The following SLC9A9 variants were observed in gnomAD, a reference collection of about 807,000 sequenced individuals.
SLC9A9 encodes solute carrier family 9 member A9, also known as sodium/hydrogen exchanger 9.
Under a neutral mutation model 77.8 loss-of-function variants are expected in SLC9A9, and 62 were observed. That is an observed-to-expected ratio of 0.80 (90% CI 0.65 to 0.98). The LOEUF is 0.98. Ranked by LOEUF, SLC9A9 falls within the 50% of genes least tolerant of loss-of-function variation. The pLI is 0.00. For synonymous variants in SLC9A9, 320 were observed against 283.5 expected, an observed-to-expected ratio of 1.13 and a Z score of -1.29; for missense variants, 775 against 774.9, an observed-to-expected ratio of 1.00 and a Z score of 0.00.
chr3:143,749,043 T>C (rs931910812), intron 4 of SLC9A9, among the ~76,000 whole-genome samples: 7 of 152,202 alleles, frequency 4.6e-5, no homozygotes, highest in South Asian at 2.1e-4. Flanking sequence ...TTTTTTTTTC[T>C]AGACCTTAAT....
intron 11 of SLC9A9, among the ~76,000 whole-genome samples, chr3:143,480,786 G>A: frequency 6.6e-6 from 1 of 152,198 alleles, no homozygotes; most frequent in Middle Eastern, 3.2e-3. Flanking sequence ...ATATGCCTAG[G>A]GTAGGAAGGA....
intron 5 of SLC9A9, among the ~76,000 whole-genome samples, chr3:143,652,752 T>C (rs1206758238): frequency 6.8e-6 from 1 of 146,974 alleles, no homozygotes; most frequent in African/African-American, 2.6e-5. Context: ...CCTCGTCCAC[T>C]TGCTACCATC....
intron 5 of SLC9A9, among the ~76,000 whole-genome samples, chr3:143,672,699 G>A (rs928093562): frequency 6.6e-6 from 1 of 151,898 alleles, no homozygotes; most frequent in African/African-American, 2.4e-5. Context: ...TAACAGAGAA[G>A]GATTCAGCAA....
chr3:143,618,082 G>T (rs1380847890), intron 6 of SLC9A9, among the ~76,000 whole-genome samples: 1 of 152,206 alleles, frequency 6.6e-6, no homozygotes, highest in African/African-American at 2.4e-5. Flanking sequence ...AGGAATATTT[G>T]CATGACAGCC....
At chr3:143,271,461 T>C (rs77459631) in intron 14 of SLC9A9, among the ~76,000 whole-genome samples, 3,377 of 152,292 alleles carry the variant, frequency 0.022, 134 homozygotes, top group African/African-American at 0.075. Context: ...AACCTTGATA[T>C]GCTATAAAAA....
chr3:143,703,009 G>T (rs1933848474), intron 4 of SLC9A9, among the ~76,000 whole-genome samples: 1 of 152,094 alleles, frequency 6.6e-6, no homozygotes, highest in African/African-American at 2.4e-5. Context: ...AGTAAATTTA[G>T]CAAGAGAATA....
chr3:143,711,391 T>C (rs1417700085), intron 4 of SLC9A9, among the ~76,000 whole-genome samples: 1 of 151,928 alleles, frequency 6.6e-6, no homozygotes, highest in Non-Finnish European at 1.5e-5. Flanking sequence ...AATAGAAGGT[T>C]TACTCTTTTA....
chr3:143,354,955 G>A (rs1242489492), intron 14 of SLC9A9, among the ~76,000 whole-genome samples: 10 of 151,888 alleles, frequency 6.6e-5, no homozygotes, highest in Non-Finnish European at 2.9e-5. Context: ...CATTGTGGAA[G>A]AGAAAAATTG....
intron 6 of SLC9A9, among the ~76,000 whole-genome samples, chr3:143,640,631 C>A (rs141239245): frequency 6.6e-6 from 1 of 152,076 alleles, no homozygotes; most frequent in Non-Finnish European, 1.5e-5. Flanking sequence ...GAGGCCAAGG[C>A]GGGACAATTG....
intron 12 of SLC9A9, among the ~76,000 whole-genome samples, chr3:143,450,680 C>A (rs2034991087): frequency 6.6e-6 from 1 of 152,088 alleles, no homozygotes. Context: ...ACTGAAATGA[C>A]AAAAGTGCTA....
At chr3:143,550,872 T>G (rs1304459788) in intron 9 of SLC9A9, among the ~76,000 whole-genome samples, 1 of 152,202 alleles carries the variant, frequency 6.6e-6, no homozygotes, top group Non-Finnish European at 1.5e-5. Flanking sequence ...CTTAAAATTA[T>G]TTTGCCTAGG....
intron 14 of SLC9A9, among the ~76,000 whole-genome samples, chr3:143,351,353 G>A (rs144487553): frequency 1.1e-3 from 167 of 152,290 alleles, no homozygotes; most frequent in African/African-American, 3.4e-3. Context: ...AAATGGCCTA[G>A]ACAACATTTT....
chr3:143,422,482 C>T (rs1053726423), intron 12 of SLC9A9, among the ~76,000 whole-genome samples: 2 of 152,090 alleles, frequency 1.3e-5, no homozygotes, highest in Admixed American at 6.5e-5. Flanking sequence ...TCATCCTTAG[C>T]GAGTTAACAT....
chr3:143,801,030 CA>C (rs2008537703), intron 2 of SLC9A9, among the ~76,000 whole-genome samples: 1 of 152,188 alleles, frequency 6.6e-6, no homozygotes, highest in Non-Finnish European at 1.5e-5. Flanking sequence ...CTGGTTTTGC[CA>C]TCCTAACAAA....
At chr3:143,596,380 C>A (rs2037752372) in intron 6 of SLC9A9, among the ~76,000 whole-genome samples, 1 of 152,152 alleles carries the variant, frequency 6.6e-6, no homozygotes, top group African/African-American at 2.4e-5. Context: ...TATCAGAGTT[C>A]TTTGGAAGTG....
intron 6 of SLC9A9, among the ~76,000 whole-genome samples, chr3:143,616,635 A>G (rs1273194178): frequency 6.6e-6 from 1 of 152,172 alleles, no homozygotes; most frequent in Admixed American, 6.5e-5. Flanking sequence ...GAAATAAATA[A>G]TCGAGGTCTA....
intron 4 of SLC9A9, among the ~76,000 whole-genome samples, chr3:143,776,239 T>C (rs1009593769): frequency 5.3e-5 from 8 of 152,224 alleles, no homozygotes; most frequent in Middle Eastern, 3.2e-3. Flanking sequence ...TAGCAAACTA[T>C]GTACTATTCC....
chr3:143,282,477 C>G (rs1487862648), intron 14 of SLC9A9, among the ~76,000 whole-genome samples: 1 of 152,224 alleles, frequency 6.6e-6, no homozygotes, highest in African/African-American at 2.4e-5. Context: ...CTTACCTACT[C>G]AATATCCAGT....
chr3:143,404,822 C>G (rs2033943365), intron 12 of SLC9A9, among the ~76,000 whole-genome samples: 1 of 152,200 alleles, frequency 6.6e-6, no homozygotes, highest in Non-Finnish European at 1.5e-5. Context: ...TTTTCCTTGC[C>G]TTGTGCAGCC....
Sources: allele counts gnomAD v4.1 joint callset (sites outside exome capture counted in the v4.1 genomes callset), GRCh38; gene constraint gnomAD v4.1.1; transcripts MANE v1.5; gene names NCBI Gene and HGNC (gene_info 2026-07-23, HGNC 2026-07-21).